The following BRAF variants were observed in gnomAD, a reference collection of about 807,000 sequenced individuals.
BRAF encodes serine/threonine-protein kinase B-raf.
BRAF carries 16 observed loss-of-function variants against 104.6 expected under a neutral mutation model. The observed-to-expected ratio is 0.15, with a 90% CI of 0.10 to 0.23. The LOEUF (loss-of-function observed/expected upper bound fraction) is 0.23, where lower values mean the gene tolerates loss of function less well. Among genes scored for constraint, BRAF ranks in the 10% least tolerant of loss-of-function variants. The probability of loss-of-function intolerance (pLI) is 1.00; values close to 1 mark genes in which losing one functional copy is unlikely to be tolerated. For missense variants in BRAF, 541 were observed against 937.3 expected, an observed-to-expected ratio of 0.58 and a Z score of 5.52; for synonymous variants, 310 against 341.6, an observed-to-expected ratio of 0.91 and a Z score of 1.02.
intron 14 of BRAF, among the ~76,000 whole-genome samples, chr7:140,766,076 T>G (rs901120683): frequency 5.9e-5 from 9 of 152,030 alleles, no homozygotes; most frequent in Non-Finnish European, 8.8e-5. Flanking sequence ...ATAGACTGGA[T>G]TAAGAAAATG....
At chr7:140,840,545 C>A (rs1000817188) in intron 2 of BRAF, among the ~76,000 whole-genome samples, 21 of 152,068 alleles carry the variant, frequency 1.4e-4, no homozygotes, top group Non-Finnish European at 2.6e-4. Context: ...AATCCCAGCA[C>A]TTTGGGAGGC....
chr7:140,776,821 T>C, intron 14 of BRAF, 91 bp downstream of exon 13: 1 of 1,258,734 alleles, frequency 7.9e-7, no homozygotes, highest in South Asian at 1.2e-5. Context: ...TAATTTAAAA[T>C]GCAATCCAAA....
At chr7:140,749,826 T>A (rs1177862628) in intron 16 of BRAF, among the ~76,000 whole-genome samples, 2 of 152,210 alleles carry the variant, frequency 1.3e-5, no homozygotes, top group African/African-American at 4.8e-5. Context: ...CTGTAGTAAC[T>A]GTCTTACAAT....
At chr7:140,797,917 C>G (rs980547106) in intron 7 of BRAF, among the ~76,000 whole-genome samples, 2 of 152,134 alleles carry the variant, frequency 1.3e-5, no homozygotes, top group Non-Finnish European at 2.9e-5. Flanking sequence ...ATAGAGCCAA[C>G]GGGAATAAAA....
chr7:140,906,252 T>C (rs535442255), intron 1 of BRAF, among the ~76,000 whole-genome samples: 1 of 151,684 alleles, frequency 6.6e-6, no homozygotes, highest in South Asian at 2.1e-4. Context: ...CCCAGGCTGG[T>C]GTGCAGTGGC....
chr7:140,820,567 GGTCA>G (rs2129054233), intron 3 of BRAF, among the ~76,000 whole-genome samples: 1 of 152,216 alleles, frequency 6.6e-6, no homozygotes, highest in East Asian at 1.9e-4. Context: ...AAAAGTAAAA[GGTCA>G]GTCCCTTTTT....
chr7:140,890,030 T>C (rs1317150537), intron 1 of BRAF, among the ~76,000 whole-genome samples: 1 of 152,216 alleles, frequency 6.6e-6, no homozygotes, highest in East Asian at 1.9e-4. Context: ...TGGTAAGGCA[T>C]AGCAGTTAAG....
chr7:140,758,391 C>T (rs1420653943), intron 14 of BRAF: 1 of 152,126 alleles, frequency 6.6e-6, no homozygotes, highest in African/African-American at 2.4e-5. Flanking sequence ...AGGTAAAGTT[C>T]ACATATTTTA....
intron 1 of BRAF, among the ~76,000 whole-genome samples, chr7:140,878,736 G>A (rs1165729769): frequency 6.6e-6 from 1 of 152,202 alleles, no homozygotes; most frequent in Non-Finnish European, 1.5e-5. Context: ...ATAGCTAGAA[G>A]AGAACTGTAA....
intron 14 of BRAF, among the ~76,000 whole-genome samples, chr7:140,768,681 G>C (rs1467014305): frequency 6.6e-6 from 1 of 151,992 alleles, no homozygotes; most frequent in Non-Finnish European, 1.5e-5. Flanking sequence ...TTTTTTTGTA[G>C]AGATGAGGTC....
chr7:140,738,427 T>C (rs1796621527), intron 18 of BRAF, among the ~76,000 whole-genome samples: 1 of 152,202 alleles, frequency 6.6e-6, no homozygotes. Flanking sequence ...AGTTCATACA[T>C]GAACACTCCA....
rs375039889 is a variant in BRAF at position 140,862,896 on chromosome 7, A to T, written c.139-12684T>A. ...CCTCAATAAAACTGTTATTTTTTAA[A>T]AGATAGTAGAATAATGTTTTCACTG... On this transcript the variant is annotated intron_variant, in intron 1 of 19. Coordinates refer to ENST00000644969, the MANE Select transcript of BRAF (RefSeq NM_001374258.1). Among the ~76,000 whole-genome samples the T allele has an allele frequency of 3.9e-5, 6 of 152,288 alleles. No homozygotes were observed. In the South Asian group the frequency reaches 6.2e-4, roughly 16 times the overall value.
chr7:140,802,003 A>G (rs1479606384), intron 5 of BRAF, among the ~76,000 whole-genome samples: 1 of 152,200 alleles, frequency 6.6e-6, no homozygotes. Flanking sequence ...AAGAACCAAA[A>G]AACTACTAAT....
At chr7:140,874,662 T>A (rs1260404688) in intron 1 of BRAF, among the ~76,000 whole-genome samples, 1 of 152,048 alleles carries the variant, frequency 6.6e-6, no homozygotes, top group South Asian at 2.1e-4. Flanking sequence ...GCCAACATTC[T>A]GAGAGCAGGG....
At chr7:140,847,234 C>T (rs1808655752) in intron 2 of BRAF, among the ~76,000 whole-genome samples, 1 of 151,592 alleles carries the variant, frequency 6.6e-6, no homozygotes, top group Non-Finnish European at 1.5e-5. Context: ...TATATCCATC[C>T]CCTCATTAAA....
intron 10 of BRAF, among the ~76,000 whole-genome samples, chr7:140,784,384 C>T (rs1228687639): frequency 6.6e-6 from 1 of 152,140 alleles, no homozygotes. Context: ...TAATTTTCAA[C>T]ATTATAAAGC....
At chr7:140,740,045 C>G (rs1796779934) in intron 17 of BRAF, 99 bp from the exon 17 acceptor site, 3 of 1,316,684 alleles carry the variant, frequency 2.3e-6, no homozygotes, top group Non-Finnish European at 3.2e-6. Context: ...ACATTTACAG[C>G]TTACGATGTA....
rs553903828 is a variant in BRAF, at chr7:140,897,027, T to C, written c.138+27539A>G. ...AATGCAATCACAATGAAAATCCCAATAGTACTTTTTACAGAATTTGACAAC... is the reference window on the plus strand; with the variant it reads ...AATGCAATCACAATGAAAATCCCAACAGTACTTTTTACAGAATTTGACAAC... On this transcript the variant is annotated intron_variant, in intron 1 of 19. Transcript: ENST00000644969. 7.2e-5 allele frequency among the ~76,000 whole-genome samples: 11 copies of C among 151,906 alleles called. No individual in the cohort carries two copies. The East Asian group carries it at 2.1e-3, about 29-fold the overall frequency.
chr7:140,918,738 C>A (rs1387128181), intron 1 of BRAF, among the ~76,000 whole-genome samples: 1 of 152,222 alleles, frequency 6.6e-6, no homozygotes, highest in Admixed American at 6.5e-5. Flanking sequence ...TTCACTAATT[C>A]TTTCACCAAA....
Sources: allele counts gnomAD v4.1 joint callset (sites outside exome capture counted in the v4.1 genomes callset), GRCh38; gene constraint gnomAD v4.1.1; transcripts MANE v1.5; gene names NCBI Gene and HGNC (gene_info 2026-07-23, HGNC 2026-07-21).